Variants in SYNPR observed in about 807,000 individuals in gnomAD.
SYNPR encodes synaptoporin.
SYNPR carries 23 observed loss-of-function variants against 32.9 expected under a neutral mutation model. That is an observed-to-expected ratio of 0.70 (90% CI 0.50 to 0.99). The LOEUF (loss-of-function observed/expected upper bound fraction) is 0.99. SYNPR is among the 50% of genes least tolerant of loss of function. The pLI is 0.00. For missense variants in SYNPR, 318 were observed against 349.3 expected (o/e 0.91, Z 0.71); for synonymous variants, 146 against 135.9 (o/e 1.07, Z -0.52).
intron 2 of SYNPR, among the ~76,000 whole-genome samples, chr3:63,425,868 C>T (rs998182789): frequency 4.0e-5 from 6 of 151,542 alleles, no homozygotes; most frequent in East Asian, 1.9e-4. Context: ...CTGCAACCTC[C>T]GCCTCCCAGG....
At chr3:63,408,269 GAAAGAAAGAGGAAGGAAGGA>G (rs2088403761) in intron 2 of SYNPR, among the ~76,000 whole-genome samples, 13 of 112,156 alleles carry the variant, frequency 1.2e-4, no homozygotes, top group East Asian at 5.1e-4. Context: ...AAGAAAGAAA[GAAAGAAAGAGGAAGGAAGGA>G]AGGAAGGAAG....
chr3:63,471,024 A>G (rs1224949006), intron 2 of SYNPR, among the ~76,000 whole-genome samples: 2 of 152,240 alleles, frequency 1.3e-5, no homozygotes. Flanking sequence ...TTCTTTTGCC[A>G]TGTAAGTAAC....
rs551948439 is a variant in SYNPR at position 63,318,886 on chromosome 3, G to T, written c.84+40144G>T. ...TTCTGGTTCCTTCTCATTTGGGTAG[G>T]CTCTGTCAGAGGGAAGATCTGGGGC... On this transcript the variant is annotated intron_variant, in intron 2 of 5. Coordinates refer to ENST00000478300, the MANE Select transcript of SYNPR (RefSeq NM_001130003.2). 7.2e-5 allele frequency among the ~76,000 whole-genome samples: 11 copies of T among 152,138 alleles called. No homozygotes were observed. In the East Asian group the frequency reaches 9.7e-4, roughly 13 times the overall value.
At chr3:63,391,994 A>G (rs2088144212) in intron 2 of SYNPR, among the ~76,000 whole-genome samples, 1 of 152,236 alleles carries the variant, frequency 6.6e-6, no homozygotes, top group South Asian at 2.1e-4. Flanking sequence ...CTCTTCTCAG[A>G]CATGAGCAGT....
chr3:63,479,363 A>T (rs189928039), intron 2 of SYNPR, among the ~76,000 whole-genome samples: 49 of 152,202 alleles, frequency 3.2e-4, no homozygotes, highest in Non-Finnish European at 6.2e-4. Flanking sequence ...CTCTTACTAC[A>T]ATCCTTATAT....
intron 4 of SYNPR, among the ~76,000 whole-genome samples, chr3:63,584,834 TGGA>T (rs1200774395): frequency 6.6e-6 from 1 of 152,100 alleles, no homozygotes; most frequent in Non-Finnish European, 1.5e-5. Flanking sequence ...GAAGTATTTA[TGGA>T]GGAGGTTTCC....
chr3:63,220,671 C>T, the SYNPR span, among the ~76,000 whole-genome samples: 1 of 152,154 alleles, frequency 6.6e-6, no homozygotes, highest in Non-Finnish European at 1.5e-5. Flanking sequence ...CAGAATAAAT[C>T]CAGTTTTCAG....
At chr3:63,433,659 C>G (rs971901301) in intron 2 of SYNPR, among the ~76,000 whole-genome samples, 1 of 152,142 alleles carries the variant, frequency 6.6e-6, no homozygotes, top group African/African-American at 2.4e-5. Context: ...ACTGCCCCAT[C>G]GGATACCAGG....
chr3:63,544,021 C>T lies in SYNPR; in HGVS notation c.210-12522C>T, dbSNP rs116353264. On this transcript the variant is annotated intron_variant, in intron 3 of 5. Transcript: ENST00000478300. Reference sequence around the variant, plus strand: ...TCCAGGTGACGTCCATCTTTGTGGGCCAGGTTAAGGGGTTTGAATATGACT... The same window carrying T: ...TCCAGGTGACGTCCATCTTTGTGGGTCAGGTTAAGGGGTTTGAATATGACT... Among the ~76,000 whole-genome samples, 844 of 151,966 alleles carry T rather than the reference C, an allele frequency of 5.6e-3. 8 individuals are homozygous for T. Among genetic ancestry groups the T allele is most frequent in the African/African-American group, 0.019 (775 of 41,458 alleles).
chr3:63,250,914 C>A (rs2086325910), intron 1 of SYNPR, among the ~76,000 whole-genome samples: 1 of 151,544 alleles, frequency 6.6e-6, no homozygotes, highest in South Asian at 2.1e-4. Context: ...TGGCTGTTTT[C>A]TTTTTTTTAG....
chr3:63,311,749 C>T (rs1015634499), intron 2 of SYNPR, among the ~76,000 whole-genome samples: 2 of 151,938 alleles, frequency 1.3e-5, no homozygotes, highest in African/African-American at 2.4e-5. Flanking sequence ...TATATGAATA[C>T]TTAGAAGTAT....
chr3:63,450,169 A>G (rs544556396), intron 2 of SYNPR, among the ~76,000 whole-genome samples: 7 of 152,108 alleles, frequency 4.6e-5, no homozygotes, highest in Non-Finnish European at 1.0e-4. Context: ...ACATTCTTAG[A>G]GTCTCCCCAG....
intron 2 of SYNPR, among the ~76,000 whole-genome samples, chr3:63,370,470 T>C (rs1022064889): frequency 6.6e-6 from 1 of 152,226 alleles, no homozygotes; most frequent in African/African-American, 2.4e-5. Context: ...TACTTCCTCT[T>C]AATAGAACTT....
At chr3:63,404,243 T>G (rs2088329386) in intron 2 of SYNPR, among the ~76,000 whole-genome samples, 1 of 152,202 alleles carries the variant, frequency 6.6e-6, no homozygotes, top group South Asian at 2.1e-4. Context: ...TGGGAATAGC[T>G]GGATCCACAT....
At position 63,445,523 on chromosome 3, in the gene SYNPR, C is replaced by G. The variant is rs117336796; in HGVS notation, c.85-35309C>G. On this transcript the variant is annotated intron_variant, in intron 2 of 5. Coordinates refer to ENST00000478300, the MANE Select transcript of SYNPR (RefSeq NM_001130003.2). ...AAAGGGATTTTTAAAATTTCATAAT[C>G]AGCTCCTCTCTTCTTTTTAGCATAA... 1,690 of 696,926 alleles carry G rather than the reference C, an allele frequency of 2.4e-3. 25 individuals carry two copies. In the East Asian group the frequency reaches 0.032, roughly 13 times the overall value. The allele number at this position is 696,926 out of a possible 1,614,324, so 43.2% of individuals were successfully genotyped here.
chr3:63,447,404 A>T (rs1249469674), intron 2 of SYNPR, among the ~76,000 whole-genome samples: 1 of 152,190 alleles, frequency 6.6e-6, no homozygotes, highest in Non-Finnish European at 1.5e-5. Flanking sequence ...GTACTTAAAC[A>T]TATTGATCAT....
At chr3:63,439,425 G>T (rs1003384499) in intron 2 of SYNPR, among the ~76,000 whole-genome samples, 2 of 152,138 alleles carry the variant, frequency 1.3e-5, no homozygotes, top group Non-Finnish European at 2.9e-5. Context: ...ATTTTTGTCA[G>T]TTCCAATTCT....
chr3:63,528,268 T>C lies in SYNPR; in HGVS notation c.210-28275T>C, dbSNP rs565692539. Among the ~76,000 whole-genome samples, 298 of 152,334 alleles carry C rather than the reference T, an allele frequency of 2.0e-3. 1 individual carries two copies. Among genetic ancestry groups the C allele is most frequent in the Middle Eastern group, 6.8e-3 (2 of 294 alleles). ...CCTCAATTTGGGGTCAAATAAACTTTAGGGAATACTGAGTTAAGCAAAGTT... is the reference window on the plus strand; with the variant it reads ...CCTCAATTTGGGGTCAAATAAACTTCAGGGAATACTGAGTTAAGCAAAGTT... On this transcript the variant is annotated intron_variant, in intron 3 of 5. Coordinates refer to ENST00000478300, the MANE Select transcript of SYNPR (RefSeq NM_001130003.2).
At chr3:63,285,381 A>AG (rs1356556322) in intron 2 of SYNPR, among the ~76,000 whole-genome samples, 1 of 152,054 alleles carries the variant, frequency 6.6e-6, no homozygotes, top group Non-Finnish European at 1.5e-5. Flanking sequence ...TTTGTTAAAA[A>AG]AAGTGTGCAT....
Sources: allele counts gnomAD v4.1 joint callset (sites outside exome capture counted in the v4.1 genomes callset), GRCh38; gene constraint gnomAD v4.1.1; transcripts MANE v1.5; gene names NCBI Gene and HGNC (gene_info 2026-07-23, HGNC 2026-07-21).